The following MECOM variants were observed in gnomAD, a reference collection of about 807,000 sequenced individuals.
MECOM encodes MDS1 and EVI1 complex locus.
MECOM carries 13 observed loss-of-function variants against 116.3 expected under a neutral mutation model. That is an observed-to-expected ratio of 0.11 (90% CI 0.07 to 0.18). MECOM has a LOEUF of 0.18. MECOM is among the 10% of genes least tolerant of loss of function. MECOM has a pLI of 1.00. For synonymous variants in MECOM, 528 were observed against 535.2 expected, an observed-to-expected ratio of 0.99 and a Z score of 0.19; for missense variants, 1,299 against 1,509.0, an observed-to-expected ratio of 0.86 and a Z score of 2.31.
chr3:169,375,264 C>A (rs756733967), intron 2 of MECOM, among the ~76,000 whole-genome samples: 1 of 151,940 alleles, frequency 6.6e-6, no homozygotes, highest in Non-Finnish European at 1.5e-5. Context: ...ATTAAAAGAA[C>A]TAGAGAAGCA....
chr3:169,177,772 G>T (rs192507531), intron 2 of MECOM, among the ~76,000 whole-genome samples: 1 of 151,906 alleles, frequency 6.6e-6, no homozygotes, highest in Admixed American at 6.6e-5. Flanking sequence ...CAAAAAAATA[G>T]CTGGGCATGT....
At chr3:169,342,923 G>A (rs1024136913) in intron 2 of MECOM, among the ~76,000 whole-genome samples, 5 of 152,130 alleles carry the variant, frequency 3.3e-5, no homozygotes, top group Non-Finnish European at 7.4e-5. Context: ...TTATTGCCTG[G>A]TGTCCTCAGT....
intron 2 of MECOM, among the ~76,000 whole-genome samples, chr3:169,198,005 GTTCC>G (rs1448811110): frequency 6.6e-6 from 1 of 151,978 alleles, no homozygotes; most frequent in African/African-American, 2.4e-5. Context: ...ACCAAATCAT[GTTCC>G]TTTTGTGCAA....
At chr3:169,527,324 T>TG (rs1758076195) in intron 1 of MECOM, among the ~76,000 whole-genome samples, 1 of 152,204 alleles carries the variant, frequency 6.6e-6, no homozygotes, top group Non-Finnish European at 1.5e-5. Flanking sequence ...CTTTCGTTAG[T>TG]GACTTTGGAC....
At chr3:169,460,057 G>A (rs143755298) in intron 1 of MECOM, among the ~76,000 whole-genome samples, 23 of 152,204 alleles carry the variant, frequency 1.5e-4, no homozygotes, top group African/African-American at 5.5e-4. Context: ...CTTGAGAGTT[G>A]TTTTGTGGCT....
chr3:169,287,628 G>A (rs577552298), intron 2 of MECOM, among the ~76,000 whole-genome samples: 16 of 152,176 alleles, frequency 1.1e-4, no homozygotes, highest in South Asian at 2.1e-4. Context: ...TGAAGCTGGT[G>A]TTCAAATCCT....
At chr3:169,659,920 G>C (rs1426258109) in intron 1 of MECOM, among the ~76,000 whole-genome samples, 1 of 152,096 alleles carries the variant, frequency 6.6e-6, no homozygotes, top group African/African-American at 2.4e-5. Context: ...TGCCCCCCTT[G>C]CCGCGGTCTT....
chr3:169,649,687 C>T (rs1184668922), intron 1 of MECOM, among the ~76,000 whole-genome samples: 2 of 152,126 alleles, frequency 1.3e-5, no homozygotes, highest in Non-Finnish European at 2.9e-5. Flanking sequence ...TTAAAATATA[C>T]TTTGAAAAAT....
chr3:169,292,743 G>T (rs981915952), intron 2 of MECOM, among the ~76,000 whole-genome samples: 1 of 152,134 alleles, frequency 6.6e-6, no homozygotes, highest in Non-Finnish European at 1.5e-5. Flanking sequence ...TTGTCATCAG[G>T]GTTTCCTAAA....
intron 2 of MECOM, among the ~76,000 whole-genome samples, chr3:169,307,595 G>A (rs1328362975): frequency 6.6e-6 from 1 of 152,114 alleles, no homozygotes; most frequent in Non-Finnish European, 1.5e-5. Context: ...AAAAATAAAT[G>A]CAGCATCATG....
chr3:169,545,046 A>AT (rs1369922119), intron 1 of MECOM, among the ~76,000 whole-genome samples: 25 of 152,318 alleles, frequency 1.6e-4, no homozygotes, highest in African/African-American at 6.0e-4. Flanking sequence ...ATTTAAAAAA[A>AT]ATTTTTTTAA....
At chr3:169,270,923 G>A (rs74556318) in intron 2 of MECOM, among the ~76,000 whole-genome samples, 14,579 of 152,064 alleles carry the variant, frequency 0.096, 1,848 homozygotes, top group African/African-American at 0.29. Flanking sequence ...AATTATTGCT[G>A]GTTTTTAAAT....
intron 2 of MECOM, among the ~76,000 whole-genome samples, chr3:169,229,268 G>A (rs374889518): frequency 2.6e-5 from 4 of 152,180 alleles, no homozygotes; most frequent in East Asian, 3.8e-4. Context: ...TGCCATCCAC[G>A]CATGTGAGAT....
chr3:169,139,480 ACTAT>A (rs1737433351), intron 3 of MECOM, among the ~76,000 whole-genome samples: 1 of 152,110 alleles, frequency 6.6e-6, no homozygotes, highest in African/African-American at 2.4e-5. Context: ...GATCATTCTA[ACTAT>A]CAGTGGAAAG....
At chr3:169,490,898 T>C (rs1051374592) in intron 1 of MECOM, among the ~76,000 whole-genome samples, 5 of 151,762 alleles carry the variant, frequency 3.3e-5, no homozygotes, top group African/African-American at 4.9e-5. Context: ...AAAAAAAATG[T>C]TTTTTTGTAG....
chr3:169,441,728 CTT>C lies in MECOM; in HGVS notation c.38-60206_38-60205del, dbSNP rs774825326. On this transcript the variant is annotated intron_variant, in intron 1 of 16. Coordinates refer to ENST00000651503, the MANE Select transcript of MECOM (RefSeq NM_004991.4). ...GCTATGTTACACTTCTTCTTCTCTT[CTT>C]TTTTTTTTTTTTTTAAAAAAGGGGG... Among the ~76,000 whole-genome samples the C allele has an allele frequency of 1.1e-3, 131 of 123,378 alleles. 8 individuals are homozygous for C. Among genetic ancestry groups the C allele is most frequent in the Non-Finnish European group, 1.6e-3 (88 of 53,960 alleles). The allele number at this position is 123,378 out of a possible 152,430, so 80.9% of individuals were successfully genotyped here. A position where few individuals can be genotyped will look rare whatever the true frequency, so the allele number is the denominator to read the frequency against.
chr3:169,586,074 T>C (rs1482535071), intron 1 of MECOM, among the ~76,000 whole-genome samples: 1 of 152,216 alleles, frequency 6.6e-6, no homozygotes, highest in Non-Finnish European at 1.5e-5. Context: ...TGCAGAATAA[T>C]TAACTCAATT....
At chr3:169,123,674 T>C (rs947009783) in intron 5 of MECOM, among the ~76,000 whole-genome samples, 2 of 152,028 alleles carry the variant, frequency 1.3e-5, no homozygotes, top group East Asian at 1.9e-4. Context: ...CGTGGTAAAA[T>C]AGCTTATTTC....
At chr3:169,135,551 T>G (rs1736098790) in intron 3 of MECOM, among the ~76,000 whole-genome samples, 1 of 151,932 alleles carries the variant, frequency 6.6e-6, no homozygotes, top group African/African-American at 2.4e-5. Context: ...TAATAAATAT[T>G]TTAAAACCGT....
Sources: gnomAD v4.1 joint callset for allele counts (sites outside exome capture counted in the v4.1 genomes callset) on GRCh38, gnomAD v4.1.1 for gene constraint, MANE v1.5 for transcripts, NCBI Gene and HGNC (gene_info 2026-07-23, HGNC 2026-07-21) for gene names.